The following NDUFAF2 variants were observed in gnomAD, a reference collection of about 807,000 sequenced individuals.
NDUFAF2 encodes the protein NADH dehydrogenase [ubiquinone] 1 alpha subcomplex assembly factor 2.
In NDUFAF2, 13 loss-of-function variants were observed where a neutral mutation model predicts 22.8. The ratio of observed to expected loss-of-function variants is 0.57; its 90% CI spans 0.37 to 0.91. The LOEUF is 0.91. Among genes scored for constraint, NDUFAF2 ranks in the 40% least tolerant of loss-of-function variants. The pLI, the probability that NDUFAF2 is intolerant of heterozygous loss-of-function variation, is 0.01. For missense variants in NDUFAF2, 162 were observed against 195.2 expected, an observed-to-expected ratio of 0.83 and a Z score of 1.01; for synonymous variants, 53 against 64.2, an observed-to-expected ratio of 0.83 and a Z score of 0.84.
intron 2 of NDUFAF2, among the ~76,000 whole-genome samples, chr5:61,093,137 A>C (rs1315757178): frequency 6.6e-6 from 1 of 152,204 alleles, no homozygotes; most frequent in Non-Finnish European, 1.5e-5. Flanking sequence ...AGGCTCAGCA[A>C]GTCTGCTCAT....
chr5:61,045,352 T>TAAA (rs1751940339), intron 1 of NDUFAF2, among the ~76,000 whole-genome samples: 1 of 148,402 alleles, frequency 6.7e-6, no homozygotes, highest in African/African-American at 2.5e-5. Flanking sequence ...AAATTTTTAT[T>TAAA]TTAAAATTTC....
chr5:60,987,629 A>G (rs960462884), intron 1 of NDUFAF2, among the ~76,000 whole-genome samples: 3 of 152,234 alleles, frequency 2.0e-5, no homozygotes, highest in African/African-American at 2.4e-5. Flanking sequence ...TTGGCTCAAA[A>G]TACACAAATC....
At chr5:61,151,283 C>T (rs1741234548) in intron 3 of NDUFAF2, among the ~76,000 whole-genome samples, 1 of 151,728 alleles carries the variant, frequency 6.6e-6, no homozygotes, top group South Asian at 2.1e-4. Context: ...CAGATGTTGC[C>T]CTTTAAGTGA....
At chr5:61,140,958 G>A (rs1394460907) in intron 3 of NDUFAF2, among the ~76,000 whole-genome samples, 3 of 152,322 alleles carry the variant, frequency 2.0e-5, no homozygotes, top group Non-Finnish European at 4.4e-5. Flanking sequence ...GCTGGGTGTG[G>A]TGGCTCACGC....
intron 1 of NDUFAF2, among the ~76,000 whole-genome samples, chr5:61,048,917 C>T (rs40084): frequency 0.64 from 97,107 of 151,778 alleles, 31,491 homozygotes; most frequent in East Asian, 0.94. Flanking sequence ...CACAATGGGG[C>T]GCACTTTTTC....
At chr5:61,139,589 TTC>T (rs1332605969) in intron 3 of NDUFAF2, among the ~76,000 whole-genome samples, 1 of 152,208 alleles carries the variant, frequency 6.6e-6, no homozygotes, top group Non-Finnish European at 1.5e-5. Flanking sequence ...AGAACTCTTT[TTC>T]TGTTTCCTAC....
At chr5:60,974,278 T>G (rs1284670516) in intron 1 of NDUFAF2, among the ~76,000 whole-genome samples, 1 of 152,182 alleles carries the variant, frequency 6.6e-6, no homozygotes, top group Non-Finnish European at 1.5e-5. Context: ...GACTCCAAGT[T>G]CTTAAGCTTT....
chr5:61,040,698 ATT>A (rs34227447), intron 1 of NDUFAF2, among the ~76,000 whole-genome samples: 2 of 152,110 alleles, frequency 1.3e-5, no homozygotes, highest in African/African-American at 4.8e-5. Flanking sequence ...GGATAGTCTT[ATT>A]TTTTAAGATT....
chr5:60,978,989 G>A (rs1750940329), intron 1 of NDUFAF2, among the ~76,000 whole-genome samples: 1 of 152,116 alleles, frequency 6.6e-6, no homozygotes, highest in Non-Finnish European at 1.5e-5. Context: ...AGTAGATAGA[G>A]GACCAGGCAG....
At chr5:61,014,734 C>A (rs1751484547) in intron 1 of NDUFAF2, among the ~76,000 whole-genome samples, 1 of 152,078 alleles carries the variant, frequency 6.6e-6, no homozygotes, top group Non-Finnish European at 1.5e-5. Flanking sequence ...TGAAGAAAAC[C>A]CCCACATATT....
intron 3 of NDUFAF2, among the ~76,000 whole-genome samples, chr5:61,150,526 G>T (rs945385529): frequency 2.0e-5 from 3 of 152,088 alleles, no homozygotes; most frequent in African/African-American, 4.8e-5. Context: ...TTATGTGAAG[G>T]CAGGAGAAAC....
intron 2 of NDUFAF2, among the ~76,000 whole-genome samples, chr5:61,076,242 G>C: frequency 6.9e-6 from 1 of 144,586 alleles, no homozygotes; most frequent in Admixed American, 6.9e-5. Context: ...GGCTAATTTT[G>C]TTTTTGTATT....
In NDUFAF2 at chr5:61,056,922, ATATAT is replaced by A. The variant is rs1397122649; in HGVS notation, c.128-16202_128-16198del. Among the ~76,000 whole-genome samples, 189 of 42,444 alleles carry A rather than the reference ATATAT, an allele frequency of 4.5e-3. 1 individual carries two copies. The highest frequency in any genetic ancestry group is 5.6e-3 in the African/African-American group (47 of 8,426). The allele number at this position is 42,444 out of a possible 152,430, so 27.8% of individuals were successfully genotyped here. On this transcript the variant is annotated intron_variant, in intron 1 of 3. Transcript: ENST00000296597. ...AAAAAAAAAAAAAAAAAAAAAAAAT[ATATAT>A]ATATATATATATATATATATATATA...
chr5:60,994,832 C>A (rs1159810955), intron 1 of NDUFAF2, among the ~76,000 whole-genome samples: 1 of 152,086 alleles, frequency 6.6e-6, no homozygotes, highest in African/African-American at 2.4e-5. Flanking sequence ...CTTAAATTTG[C>A]CCTTTTCAGG....
At chr5:60,954,817 G>T (rs1750594806) in intron 1 of NDUFAF2, among the ~76,000 whole-genome samples, 1 of 150,922 alleles carries the variant, frequency 6.6e-6, no homozygotes, top group South Asian at 2.1e-4. Flanking sequence ...GTTTTAACTT[G>T]ATTTCCTTGT....
At chr5:61,009,671 A>G (rs747275030) in intron 1 of NDUFAF2, among the ~76,000 whole-genome samples, 1 of 152,032 alleles carries the variant, frequency 6.6e-6, no homozygotes, top group African/African-American at 2.4e-5. Context: ...GTTCTCAGCT[A>G]ATTACTAGTC....
At chr5:61,149,805 G>A (rs1741200415) in intron 3 of NDUFAF2, among the ~76,000 whole-genome samples, 1 of 152,148 alleles carries the variant, frequency 6.6e-6, no homozygotes, top group Non-Finnish European at 1.5e-5. Flanking sequence ...TTGCTTTTTG[G>A]TAGTTTGTAT....
chr5:61,022,165 A>G (rs1004284051), intron 1 of NDUFAF2, among the ~76,000 whole-genome samples: 1 of 152,194 alleles, frequency 6.6e-6, no homozygotes, highest in Non-Finnish European at 1.5e-5. Flanking sequence ...TCTGGGTATC[A>G]TGGCCCAAAC....
intron 1 of NDUFAF2, among the ~76,000 whole-genome samples, chr5:60,947,499 C>T (rs1750477556): frequency 6.6e-6 from 1 of 152,144 alleles, no homozygotes; most frequent in South Asian, 2.1e-4. Flanking sequence ...GGTCCGGTGG[C>T]TCATGCCTGT....
Sources: gnomAD v4.1 joint callset for allele counts (sites outside exome capture counted in the v4.1 genomes callset) on GRCh38, gnomAD v4.1.1 for gene constraint, MANE v1.5 for transcripts, NCBI Gene and HGNC (gene_info 2026-07-23, HGNC 2026-07-21) for gene names.